ASPRV1: variants seen among roughly 807,000 people sequenced by gnomAD.
ASPRV1 encodes the protein aspartic peptidase retroviral like 1, also known as retroviral-like aspartic protease 1.
A neutral mutation model predicts 11.0 loss-of-function variants in ASPRV1; 7 were observed. The observed-to-expected ratio is 0.64, with a 90% confidence interval of 0.36 to 1.20. The LOEUF (loss-of-function observed/expected upper bound fraction) is 1.20, where lower values mean the gene tolerates loss of function less well. ASPRV1 is among the 50% of genes most tolerant of loss of function. The pLI, the probability that ASPRV1 is intolerant of heterozygous loss-of-function variation, is 0.02. For missense variants in ASPRV1, 299 were observed against 320.0 expected, an observed-to-expected ratio of 0.93 and a Z score of 0.50; for synonymous variants, 136 against 138.4, an observed-to-expected ratio of 0.98 and a Z score of 0.12.
At chr2:70,068,465 C>T in the ASPRV1 span, among the ~76,000 whole-genome samples, 2 of 152,152 alleles carry the variant, frequency 1.3e-5, no homozygotes, top group Non-Finnish European at 2.9e-5. Context: ...GTGAGTCTGG[C>T]TGGAGAACGG....
the ASPRV1 span, chr2:70,073,185 CAGG>C: frequency 6.6e-6 from 1 of 152,158 alleles, no homozygotes; most frequent in African/African-American, 2.4e-5. Context: ...GATCATTTGT[CAGG>C]AGAATGATAG....
At chr2:70,034,064 G>C in the ASPRV1 span, among the ~76,000 whole-genome samples, 1 of 147,536 alleles carries the variant, frequency 6.8e-6, no homozygotes, top group Non-Finnish European at 1.5e-5. Context: ...TGAGGCAGGA[G>C]AATGGCGTGA....
chr2:70,069,803 C>G, the ASPRV1 span, among the ~76,000 whole-genome samples: 3 of 152,012 alleles, frequency 2.0e-5, no homozygotes, highest in Admixed American at 1.3e-4. Flanking sequence ...TCATCTGTAA[C>G]TAGCTATATG....
chr2:69,964,284 G>A (rs773888439), upstream of ASPRV1: 2 of 441,668 alleles, frequency 4.5e-6, no homozygotes, highest in South Asian at 3.2e-5. Flanking sequence ...TGTGGCTTGA[G>A]GCAGATGGCC....
At chr2:70,066,075 G>T in the ASPRV1 span, among the ~76,000 whole-genome samples, 7 of 151,642 alleles carry the variant, frequency 4.6e-5, no homozygotes, top group African/African-American at 1.7e-4. Context: ...TGGGCATGGT[G>T]GTGCACACCC....
chr2:69,984,988 C>G, the ASPRV1 span, among the ~76,000 whole-genome samples: 1 of 152,080 alleles, frequency 6.6e-6, no homozygotes, highest in Non-Finnish European at 1.5e-5. Context: ...TCCCGAGTAG[C>G]TGGGACTACA....
the ASPRV1 span, among the ~76,000 whole-genome samples, chr2:70,032,959 C>A: frequency 3.3e-5 from 5 of 152,080 alleles, no homozygotes; most frequent in East Asian, 9.7e-4. Context: ...ATCTTGGGGA[C>A]CACTGTTAAA....
At chr2:70,033,981 C>T in the ASPRV1 span, among the ~76,000 whole-genome samples, 17 of 151,076 alleles carry the variant, frequency 1.1e-4, no homozygotes, top group East Asian at 2.0e-4. Context: ...GGTGAAACCC[C>T]GTCTCTACTA....
the ASPRV1 span, among the ~76,000 whole-genome samples, chr2:70,063,407 A>G: frequency 6.6e-6 from 1 of 152,112 alleles, no homozygotes; most frequent in Non-Finnish European, 1.5e-5. Flanking sequence ...CTCTCCCCAA[A>G]ATTCAGAGAG....
the ASPRV1 span, among the ~76,000 whole-genome samples, chr2:70,011,240 C>T: frequency 6.6e-6 from 1 of 151,946 alleles, no homozygotes; most frequent in South Asian, 2.1e-4. Flanking sequence ...ATATAACAAA[C>T]TTGCACATGT....
the ASPRV1 span, among the ~76,000 whole-genome samples, chr2:69,953,421 G>A: frequency 2.6e-5 from 4 of 152,222 alleles, no homozygotes; most frequent in Admixed American, 6.5e-5. Context: ...GACATAAGAC[G>A]GGGCCTCCTT....
the ASPRV1 span, among the ~76,000 whole-genome samples, chr2:69,973,367 T>C: frequency 1.3e-5 from 2 of 152,202 alleles, no homozygotes; most frequent in Admixed American, 6.5e-5. Context: ...GAAAGACAGA[T>C]GTTGGAACTT....
At chr2:69,989,551 C>T in the ASPRV1 span, among the ~76,000 whole-genome samples, 2 of 152,234 alleles carry the variant, frequency 1.3e-5, no homozygotes, top group African/African-American at 4.8e-5. Context: ...CCTGCCCAGC[C>T]AGCCCTGCCA....
chr2:69,933,353 A>G, the ASPRV1 span, among the ~76,000 whole-genome samples: 1 of 152,080 alleles, frequency 6.6e-6, no homozygotes, highest in Admixed American at 6.5e-5. Context: ...GAAGAATATT[A>G]TCCAAGATGA....
the ASPRV1 span, chr2:70,056,442 A>T: frequency 6.6e-6 from 1 of 151,632 alleles, no homozygotes; most frequent in African/African-American, 2.4e-5. Flanking sequence ...CGTCTCTACT[A>T]AAAATACAAA....
chr2:70,046,575 G>A, the ASPRV1 span: 32,302 of 152,054 alleles, frequency 0.21, 3,745 homozygotes, highest in Non-Finnish European at 0.23. Context: ...ACTCTTTGGC[G>A]GTATGCATGT....
chr2:70,076,981 G>A, the ASPRV1 span, among the ~76,000 whole-genome samples: 6 of 152,154 alleles, frequency 3.9e-5, no homozygotes, highest in South Asian at 4.1e-4. Flanking sequence ...GGGACTATCC[G>A]TACAAATGAG....
the ASPRV1 span, among the ~76,000 whole-genome samples, chr2:70,059,102 C>A: frequency 6.6e-6 from 1 of 150,862 alleles, no homozygotes; most frequent in African/African-American, 2.4e-5. Flanking sequence ...CCACGTTAGC[C>A]AGGATGGTCT....
the ASPRV1 span, among the ~76,000 whole-genome samples, chr2:69,996,295 G>C: frequency 6.6e-6 from 1 of 151,408 alleles, no homozygotes; most frequent in Non-Finnish European, 1.5e-5. Context: ...GGGAGGCTGA[G>C]GTGGGAGAAT....
Sources: gnomAD v4.1 joint callset for allele counts (sites outside exome capture counted in the v4.1 genomes callset) on GRCh38, gnomAD v4.1.1 for gene constraint, MANE v1.5 for transcripts, NCBI Gene and HGNC (gene_info 2026-07-23, HGNC 2026-07-21) for gene names.